The following CDK5RAP2 variants were observed in gnomAD, a reference collection of about 807,000 sequenced individuals.
CDK5RAP2 encodes CDK5 regulatory subunit-associated protein 2.
CDK5RAP2 carries 147 observed loss-of-function variants against 232.9 expected under a neutral mutation model. That is an observed-to-expected ratio of 0.63 (90% confidence interval 0.55 to 0.72). CDK5RAP2 has a LOEUF of 0.72. Ranked by LOEUF, CDK5RAP2 falls within the 30% of genes least tolerant of loss-of-function variation. The pLI is 0.00. For missense variants in CDK5RAP2, 2,195 were observed against 2,231.5 expected (o/e 0.98, Z 0.33); for synonymous variants, 833 against 833.7 (o/e 1.00, Z 0.01).
At chr9:120,502,420 ATTTTG>A (rs1000358575) in intron 12 of CDK5RAP2, among the ~76,000 whole-genome samples, 2 of 152,186 alleles carry the variant, frequency 1.3e-5, no homozygotes, top group African/African-American at 4.8e-5. Flanking sequence ...TCAGAACCAT[ATTTTG>A]ATGTCTGGTT....
chr9:120,568,811 TG>T (rs1312334883), intron 2 of CDK5RAP2, among the ~76,000 whole-genome samples: 4 of 152,176 alleles, frequency 2.6e-5, no homozygotes, highest in Admixed American at 2.6e-4. Flanking sequence ...TTAGGCTTTG[TG>T]GGCCATACAC....
chr9:120,453,372 A>G (rs1030718097), intron 21 of CDK5RAP2, 84 bp downstream of exon 21: 4 of 1,288,772 alleles, frequency 3.1e-6, no homozygotes, highest in Non-Finnish European at 4.3e-6. Context: ...TATAAATGGG[A>G]AAAAAGTGGT....
At chr9:120,423,920 G>C (rs148074619) in intron 25 of CDK5RAP2, among the ~76,000 whole-genome samples, 1 of 152,070 alleles carries the variant, frequency 6.6e-6, no homozygotes, top group African/African-American at 2.4e-5. Flanking sequence ...GTTCCCTATC[G>C]CCCACCAGGC....
intron 10 of CDK5RAP2, among the ~76,000 whole-genome samples, chr9:120,526,769 C>T (rs570871232): frequency 2.0e-5 from 3 of 152,294 alleles, no homozygotes; most frequent in South Asian, 4.1e-4. Context: ...CTTCTTCTCT[C>T]GCCTCCTTTA....
At chr9:120,491,218 G>A in intron 13 of CDK5RAP2, 89 bp downstream of exon 13, 4 of 1,005,112 alleles carry the variant, frequency 4.0e-6, no homozygotes, top group Non-Finnish European at 6.2e-6. Context: ...AATGATTACT[G>A]TAATCATAAA....
chr9:120,455,623 G>C (rs572161546), intron 20 of CDK5RAP2, among the ~76,000 whole-genome samples: 6 of 152,006 alleles, frequency 3.9e-5, no homozygotes, highest in Non-Finnish European at 8.8e-5. Flanking sequence ...TGTGACTGTA[G>C]TCCCAGCTAC....
chr9:120,458,368 A>G (rs2036901047), intron 20 of CDK5RAP2, 82 bp downstream of exon 20: 2 of 1,343,478 alleles, frequency 1.5e-6, no homozygotes, highest in Non-Finnish European at 2.1e-6. Flanking sequence ...ACACAGCACG[A>G]TCATCTAAAC....
intron 31 of CDK5RAP2, chr9:120,407,724 A>AC (rs1361944166): frequency 6.1e-6 from 1 of 163,390 alleles, no homozygotes; most frequent in African/African-American, 2.4e-5. Flanking sequence ...AAAAAAAAAA[A>AC]AAACACCTCA....
chr9:120,394,491 GCCACCC>G lies in CDK5RAP2; in HGVS notation c.5578+15_5578+20del. 1.2e-6 allele frequency: 2 copies of G among 1,613,916 alleles called. No homozygotes were observed. Among genetic ancestry groups the G allele is most frequent in the Non-Finnish European group, 1.7e-6 (2 of 1,180,016 alleles). ...AGGCAGGAAGTGGTCAGGCATAGCGGCCACCCCCACACTCACTCACATTGATCAAAG... is the reference window on the plus strand; with the variant it reads ...AGGCAGGAAGTGGTCAGGCATAGCGGCCACACTCACTCACATTGATCAAAG... On this transcript the variant is annotated intron_variant, in intron 36 of 37. Transcript: ENST00000349780.
rs1401683550 is a variant in CDK5RAP2 at position 120,403,685 on chromosome 9, G to C, written c.5041+351C>G. 176 of 379,356 alleles carry C rather than the reference G, an allele frequency of 4.6e-4. No individual in the cohort carries two copies. Among genetic ancestry groups the C allele is most frequent in the Non-Finnish European group, 5.5e-5 (11 of 200,800 alleles). The allele number at this position is 379,356 out of a possible 1,614,324, so 23.5% of individuals were successfully genotyped here. ...AAAGTCACAGTGAGAGGAAAGTGTG[G>C]GCCTGTCTGCAGGATGGTGACCCCT... On this transcript the variant is annotated intron_variant, in intron 33 of 37. Transcript: ENST00000349780. The surrounding 1 kb of genome is among the most constrained non-coding windows in gnomAD (Gnocchi z 4.2).
chr9:120,445,230 G>A (rs1339805502), intron 22 of CDK5RAP2, among the ~76,000 whole-genome samples: 1 of 152,142 alleles, frequency 6.6e-6, no homozygotes, highest in Non-Finnish European at 1.5e-5. Flanking sequence ...CCCAAAGTGT[G>A]TAAGTGTCTT....
chr9:120,413,573 A>G (rs1345864987), intron 28 of CDK5RAP2, among the ~76,000 whole-genome samples: 1 of 152,250 alleles, frequency 6.6e-6, no homozygotes, highest in Non-Finnish European at 1.5e-5. Flanking sequence ...ATTACTCTCC[A>G]GAGCAATTGT....
chr9:120,539,462 T>C (rs2041535256), intron 5 of CDK5RAP2, among the ~76,000 whole-genome samples: 1 of 152,368 alleles, frequency 6.6e-6, no homozygotes, highest in African/African-American at 2.4e-5. Flanking sequence ...TTACTTAATA[T>C]ACTACGAACA....
At chr9:120,422,255 G>A (rs1432247576) in intron 26 of CDK5RAP2, among the ~76,000 whole-genome samples, 2 of 152,204 alleles carry the variant, frequency 1.3e-5, no homozygotes, top group Non-Finnish European at 2.9e-5. Context: ...AAGGCAGAGT[G>A]CACAGCTATG....
chr9:120,523,091 A>G (rs928561396), intron 11 of CDK5RAP2, among the ~76,000 whole-genome samples: 1 of 152,244 alleles, frequency 6.6e-6, no homozygotes, highest in Non-Finnish European at 1.5e-5. Flanking sequence ...CCAACCTGAC[A>G]TGTATAACCT....
chr9:120,498,086 G>A (rs1456730752), intron 12 of CDK5RAP2, among the ~76,000 whole-genome samples: 1 of 152,176 alleles, frequency 6.6e-6, no homozygotes, highest in Non-Finnish European at 1.5e-5. Context: ...TGTTCCATAT[G>A]CCGCAAAGGA....
At chr9:120,481,219 C>T (rs1588448485) in intron 14 of CDK5RAP2, among the ~76,000 whole-genome samples, 1 of 152,202 alleles carries the variant, frequency 6.6e-6, no homozygotes, top group Non-Finnish European at 1.5e-5. Context: ...ATGGTGAGGC[C>T]AGGTGTGGGC....
At chr9:120,467,767 T>C in intron 18 of CDK5RAP2, 93 bp downstream of exon 18, 1 of 1,394,180 alleles carries the variant, frequency 7.2e-7, no homozygotes, top group Non-Finnish European at 1.0e-6. Flanking sequence ...CACCTCAGCC[T>C]CCCAAAGTGC....
chr9:120,496,401 G>A (rs1393014568), intron 12 of CDK5RAP2, among the ~76,000 whole-genome samples: 49 of 126,770 alleles, frequency 3.9e-4, no homozygotes, highest in Non-Finnish European at 3.6e-4. Flanking sequence ...CAGCCCCCCC[G>A]CCCAGCCAGC....
Sources: allele counts gnomAD v4.1 joint callset (sites outside exome capture counted in the v4.1 genomes callset), GRCh38; gene constraint gnomAD v4.1.1; non-coding constraint Gnocchi (gnomAD v3.1); transcripts MANE v1.5; gene names NCBI Gene and HGNC (gene_info 2026-07-23, HGNC 2026-07-21).